Variants in CNTNAP2 observed in about 807,000 individuals in gnomAD.
CNTNAP2 encodes the protein contactin-associated protein-like 2.
In CNTNAP2, 98 loss-of-function variants were observed where a neutral mutation model predicts 155.2. The observed-to-expected ratio is 0.63, with a 90% CI of 0.54 to 0.75. The LOEUF (loss-of-function observed/expected upper bound fraction) is 0.75, where lower values mean the gene tolerates loss of function less well. Ranked by LOEUF, CNTNAP2 falls within the 30% of genes least tolerant of loss-of-function variation. The pLI, the probability that CNTNAP2 is intolerant of heterozygous loss-of-function variation, is 0.00. For missense variants in CNTNAP2, 1,727 were observed against 1,688.1 expected (o/e 1.02, Z -0.40); for synonymous variants, 651 against 631.2 (o/e 1.03, Z -0.47).
At chr7:147,802,511 C>T (rs1798017694) in intron 13 of CNTNAP2, among the ~76,000 whole-genome samples, 2 of 152,202 alleles carry the variant, frequency 1.3e-5, no homozygotes, top group African/African-American at 4.8e-5. Context: ...AACCAGACTC[C>T]GTCTGCAATC....
At position 147,637,286 on chromosome 7, in the gene CNTNAP2, A is replaced by C. The variant is rs140350271; in HGVS notation, c.1898-1820A>C. On this transcript the variant is annotated intron_variant, in intron 12 of 23. Coordinates refer to ENST00000361727, the MANE Select transcript of CNTNAP2 (RefSeq NM_014141.6). ...CTGGTTAGGAATCAGGATGGCTTTA[A>C]CCCTAGTAGTGGTGGTGGGTTGGCA... 4.4e-3 allele frequency among the ~76,000 whole-genome samples: 670 copies of C among 152,254 alleles called. 6 individuals are homozygous for C. Among genetic ancestry groups the C allele is most frequent in the African/African-American group, 0.015 (607 of 41,550 alleles).
chr7:146,581,338 CTTTAT>C (rs1156379230), intron 1 of CNTNAP2, among the ~76,000 whole-genome samples: 11 of 152,032 alleles, frequency 7.2e-5, no homozygotes, highest in Non-Finnish European at 1.6e-4. Flanking sequence ...TCCTAAGATA[CTTTAT>C]TTTATTTTGT....
chr7:147,139,089 G>A (rs1026959991), intron 8 of CNTNAP2, among the ~76,000 whole-genome samples: 2 of 152,018 alleles, frequency 1.3e-5, no homozygotes, highest in African/African-American at 4.8e-5. Flanking sequence ...AGTTGAAGAT[G>A]TTTCTAAGAC....
In CNTNAP2 at chr7:147,568,299, T is replaced by C. The variant is rs554605400; in HGVS notation, c.1897+6042T>C. Among the ~76,000 whole-genome samples the C allele has an allele frequency of 2.6e-5, 4 of 152,336 alleles. No individual in the cohort carries two copies. The South Asian group carries it at 6.2e-4, about 24-fold the overall frequency. The stretch of plus-strand genomic sequence containing the variant: ...TTATCTCAAACAAGCTTGAATTTAC[T>C]ATTTCTTGCTAAGTTTGACATAAAT... On this transcript the variant is annotated intron_variant, in intron 12 of 23. Transcript: ENST00000361727.
At chr7:146,863,223 A>G (rs1795139524) in intron 3 of CNTNAP2, among the ~76,000 whole-genome samples, 1 of 152,190 alleles carries the variant, frequency 6.6e-6, no homozygotes, top group African/African-American at 2.4e-5. Flanking sequence ...GGCATTTATG[A>G]CTGTACTGAA....
intron 1 of CNTNAP2, among the ~76,000 whole-genome samples, chr7:146,380,836 C>T (rs1424394169): frequency 8.1e-6 from 1 of 123,450 alleles, no homozygotes; most frequent in Non-Finnish European, 1.6e-5. Flanking sequence ...GTCTCGCTGT[C>T]GCCCAGGCTG....
At chr7:146,121,569 A>C (rs1188809224) in intron 1 of CNTNAP2, among the ~76,000 whole-genome samples, 1 of 152,130 alleles carries the variant, frequency 6.6e-6, no homozygotes, top group Non-Finnish European at 1.5e-5. Flanking sequence ...TCCCATCTCT[A>C]GTCCTGATTT....
At chr7:148,046,441 T>C (rs1802775720) in intron 15 of CNTNAP2, among the ~76,000 whole-genome samples, 1 of 152,240 alleles carries the variant, frequency 6.6e-6, no homozygotes, top group Non-Finnish European at 1.5e-5. Context: ...AGTTATAACA[T>C]TCACATGGGT....
At chr7:148,168,228 T>C (rs567421514) in intron 17 of CNTNAP2, among the ~76,000 whole-genome samples, 14 of 151,984 alleles carry the variant, frequency 9.2e-5, no homozygotes, top group African/African-American at 3.1e-4. Flanking sequence ...ACCCAAAGGA[T>C]TATAAATCAT....
intron 13 of CNTNAP2, among the ~76,000 whole-genome samples, chr7:147,800,103 A>G (rs1756417985): frequency 6.6e-6 from 1 of 152,220 alleles, no homozygotes; most frequent in African/African-American, 2.4e-5. Flanking sequence ...CAATAGTGCC[A>G]TTGCTTGTGG....
chr7:147,392,705 G>A (rs1584920801), intron 9 of CNTNAP2, among the ~76,000 whole-genome samples: 1 of 151,922 alleles, frequency 6.6e-6, no homozygotes. Context: ...TTTTATGACT[G>A]AGTAGTATTC....
At chr7:147,133,781 G>T (rs1297425172) in intron 8 of CNTNAP2, among the ~76,000 whole-genome samples, 1 of 152,006 alleles carries the variant, frequency 6.6e-6, no homozygotes, top group African/African-American at 2.4e-5. Flanking sequence ...CACAAGAAAT[G>T]TTATGTCAGA....
At chr7:147,178,220 G>A (rs1050878879) in intron 8 of CNTNAP2, among the ~76,000 whole-genome samples, 5 of 152,084 alleles carry the variant, frequency 3.3e-5, no homozygotes, top group South Asian at 2.1e-4. Context: ...CCTTCAAAAC[G>A]GAGACTGTTT....
At chr7:146,844,036 T>TG (rs1470136029) in intron 3 of CNTNAP2, among the ~76,000 whole-genome samples, 3 of 152,144 alleles carry the variant, frequency 2.0e-5, no homozygotes, top group Non-Finnish European at 2.9e-5. Flanking sequence ...TTCTGATTGT[T>TG]GGGGAAATGG....
At chr7:146,905,093 A>G (rs962952890) in intron 3 of CNTNAP2, among the ~76,000 whole-genome samples, 5 of 152,058 alleles carry the variant, frequency 3.3e-5, no homozygotes. Context: ...AATCCTTCCC[A>G]TAGGCCTAAC....
chr7:147,034,886 T>A (rs1361773450), intron 3 of CNTNAP2, among the ~76,000 whole-genome samples: 1 of 152,040 alleles, frequency 6.6e-6, no homozygotes, highest in African/African-American at 2.4e-5. Flanking sequence ...GGATGAAGGG[T>A]GTGGAGGGCC....
chr7:148,028,981 A>C (rs1165648561), intron 15 of CNTNAP2, among the ~76,000 whole-genome samples: 1 of 152,170 alleles, frequency 6.6e-6, no homozygotes, highest in African/African-American at 2.4e-5. Flanking sequence ...TATGTCTCCA[A>C]ATAAAATCCC....
At chr7:146,404,599 C>A (rs983841326) in intron 1 of CNTNAP2, among the ~76,000 whole-genome samples, 14 of 152,192 alleles carry the variant, frequency 9.2e-5, no homozygotes, top group Admixed American at 5.9e-4. Flanking sequence ...AATAAGTTAT[C>A]CATTGGTCTG....
At chr7:147,997,923 A>G (rs1222223505) in intron 15 of CNTNAP2, among the ~76,000 whole-genome samples, 3 of 152,126 alleles carry the variant, frequency 2.0e-5, no homozygotes, top group East Asian at 1.9e-4. Flanking sequence ...ATTATAATGA[A>G]CAAAGGGTCA....
Sources: allele counts gnomAD v4.1 joint callset (sites outside exome capture counted in the v4.1 genomes callset), GRCh38; gene constraint gnomAD v4.1.1; transcripts MANE v1.5; gene names NCBI Gene and HGNC (gene_info 2026-07-23, HGNC 2026-07-21).